Variants in DCC observed in about 807,000 individuals in gnomAD.
The protein encoded by DCC is netrin receptor DCC.
Under a neutral mutation model 172.5 loss-of-function variants are expected in DCC, and 58 were observed. The ratio of observed to expected loss-of-function variants is 0.34; its 90% CI spans 0.27 to 0.42. DCC has a LOEUF of 0.42. Ranked by LOEUF, DCC falls within the 10% of genes least tolerant of loss-of-function variation. DCC has a pLI of 1.00. For synonymous variants in DCC, 709 were observed against 644.5 expected (o/e 1.10, Z -1.52); for missense variants, 1,740 against 1,791.0 (o/e 0.97, Z 0.51).
chr18:53,232,551 T>A (rs1195338208), intron 12 of DCC, among the ~76,000 whole-genome samples: 2 of 152,180 alleles, frequency 1.3e-5, no homozygotes, highest in Admixed American at 1.3e-4. Context: ...TCTTCATGTA[T>A]CTTTGTTACA....
intron 1 of DCC, among the ~76,000 whole-genome samples, chr18:52,377,218 A>C (rs1297739502): frequency 6.6e-6 from 1 of 152,154 alleles, no homozygotes; most frequent in Non-Finnish European, 1.5e-5. Flanking sequence ...TATGCTGTTA[A>C]GATTATGATT....
At chr18:53,245,735 C>G (rs780984537) in intron 12 of DCC, among the ~76,000 whole-genome samples, 5 of 152,042 alleles carry the variant, frequency 3.3e-5, no homozygotes, top group Non-Finnish European at 7.4e-5. Context: ...CCTTGTGTAT[C>G]AGTTAGAATA....
chr18:52,998,442 C>T (rs544608676), intron 5 of DCC, among the ~76,000 whole-genome samples: 1 of 152,004 alleles, frequency 6.6e-6, no homozygotes, highest in Non-Finnish European at 1.5e-5. Flanking sequence ...TTCTGATTCA[C>T]GAAGGTAGAT....
intron 15 of DCC, among the ~76,000 whole-genome samples, chr18:53,350,728 A>G (rs2057781866): frequency 6.6e-6 from 1 of 152,104 alleles, no homozygotes; most frequent in Non-Finnish European, 1.5e-5. Context: ...GAAAGTTGGT[A>G]ATTCAAGAGC....
At chr18:52,822,793 AGTT>A (rs2038430413) in intron 2 of DCC, among the ~76,000 whole-genome samples, 1 of 152,144 alleles carries the variant, frequency 6.6e-6, no homozygotes, top group Non-Finnish European at 1.5e-5. Context: ...TTTTTCCTTA[AGTT>A]GTTTTCTTCA....
At chr18:52,465,308 G>T (rs931981743) in intron 1 of DCC, among the ~76,000 whole-genome samples, 3 of 152,140 alleles carry the variant, frequency 2.0e-5, no homozygotes, top group African/African-American at 4.8e-5. Context: ...CCAAAGATTG[G>T]GGAACTGGTA....
intron 7 of DCC, among the ~76,000 whole-genome samples, chr18:53,129,463 T>G (rs1308427489): frequency 6.6e-6 from 1 of 152,114 alleles, no homozygotes; most frequent in Non-Finnish European, 1.5e-5. Flanking sequence ...TCTCCCATGG[T>G]CCTATACATA....
chr18:53,363,504 G>C (rs1296920664), intron 15 of DCC, among the ~76,000 whole-genome samples: 1 of 152,188 alleles, frequency 6.6e-6, no homozygotes. Flanking sequence ...AGAGTGGTCA[G>C]TGAATGTGCT....
rs1456409120 is a variant in DCC, at chr18:52,990,538, CCCAAAAAAAAAAAA to C, written c.985+65169_985+65182del. Among the ~76,000 whole-genome samples, 18 of 76,264 alleles carry C rather than the reference CCCAAAAAAAAAAAA, an allele frequency of 2.4e-4. 1 individual carries two copies. The highest frequency in any genetic ancestry group is 8.0e-4 in the East Asian group (2 of 2,510). 50.0% of individuals were successfully genotyped at this position (76,264 alleles called of 152,430 possible). A position where few individuals can be genotyped will look rare whatever the true frequency, so the allele number is the denominator to read the frequency against. On this transcript the variant is annotated intron_variant, in intron 5 of 28. Coordinates refer to ENST00000442544, the MANE Select transcript of DCC (RefSeq NM_005215.4). ...CTGGGCAACAAGAGCAAAACTCCATCCCAAAAAAAAAAAAAAAAAAAAAAAAAAGCAAAGCTCCT... is the reference window on the plus strand; with the variant it reads ...CTGGGCAACAAGAGCAAAACTCCATCAAAAAAAAAAAAAAGCAAAGCTCCT...
At chr18:53,416,284 G>A (rs774278481) in intron 21 of DCC, 128 bp downstream of exon 21, 6 of 740,178 alleles carry the variant, frequency 8.1e-6, no homozygotes, top group East Asian at 2.6e-5. Flanking sequence ...CTGGCGTGAC[G>A]ATTAATCTTG....
chr18:52,912,616 A>G (rs557349359), intron 3 of DCC, among the ~76,000 whole-genome samples: 14 of 152,162 alleles, frequency 9.2e-5, no homozygotes, highest in Admixed American at 2.6e-4. Flanking sequence ...CCTTTGCTGT[A>G]TGATATGGTA....
intron 1 of DCC, among the ~76,000 whole-genome samples, chr18:52,384,462 G>A: frequency 6.6e-6 from 1 of 152,152 alleles, no homozygotes; most frequent in South Asian, 2.1e-4. Flanking sequence ...CCACATTCCT[G>A]TGGAGACCAT....
At chr18:52,674,591 G>A (rs2035616230) in intron 1 of DCC, among the ~76,000 whole-genome samples, 1 of 152,114 alleles carries the variant, frequency 6.6e-6, no homozygotes, top group South Asian at 2.1e-4. Flanking sequence ...CCCATCACAA[G>A]CACAACATAT....
chr18:53,304,934 GT>G (rs1477600680), intron 12 of DCC, among the ~76,000 whole-genome samples: 1 of 152,142 alleles, frequency 6.6e-6, no homozygotes, highest in African/African-American at 2.4e-5. Flanking sequence ...GGAGGGACCC[GT>G]TGGGAGGTAA....
At chr18:52,454,144 A>G (rs1988389035) in intron 1 of DCC, among the ~76,000 whole-genome samples, 1 of 151,984 alleles carries the variant, frequency 6.6e-6, no homozygotes, top group South Asian at 2.1e-4. Context: ...TAAAAAATAT[A>G]TATCTACACC....
At position 53,207,768 on chromosome 18, in the gene DCC, T is replaced by C. The variant is rs1568365890; in HGVS notation, c.1812T>C (p.Tyr604=). Residue 604 remains tyrosine (Y), a synonymous_variant, in exon 11 of 29, where the codon TAT becomes TAC. Transcript: ENST00000442544. The stretch of plus-strand genomic sequence containing the variant: ...TTCGATTCTTAGCTTATAATCGCTA[T>C]GGTCCGGGCGTCTCTACTGATGATA... The part of the protein sequence containing the change: ...YSLRFLAYNR[Y]GPGVSTDDIT... The C allele has an allele frequency of 1.2e-5, 19 of 1,613,458 alleles. No homozygotes were observed. Among genetic ancestry groups the C allele is most frequent in the Non-Finnish European group, 1.4e-5 (17 of 1,179,388 alleles).
rs541987903 is a variant in DCC at position 53,291,770 on chromosome 18, A to T, written c.1912-13808A>T. Among the ~76,000 whole-genome samples the T allele has an allele frequency of 2.6e-4, 40 of 152,306 alleles. No homozygotes were observed. The South Asian group carries it at 8.3e-3, about 32-fold the overall frequency. On this transcript the variant is annotated intron_variant, in intron 12 of 28. Transcript: ENST00000442544. ...AAAGAGTTAATAAGCCCTTCTAAAC[A>T]TCCAGCTTACTTCCAAGGAATGATT...
At chr18:52,660,391 A>G (rs1012306115) in intron 1 of DCC, among the ~76,000 whole-genome samples, 1 of 152,078 alleles carries the variant, frequency 6.6e-6, no homozygotes, top group African/African-American at 2.4e-5. Flanking sequence ...ATTTAAATCC[A>G]AACCACCACA....
chr18:53,035,157 T>C (rs1335202235), intron 5 of DCC, among the ~76,000 whole-genome samples: 1 of 107,686 alleles, frequency 9.3e-6, no homozygotes, highest in South Asian at 2.7e-4. Context: ...CTCAAACATT[T>C]ATCTGTGTGT....
Sources: allele counts gnomAD v4.1 joint callset (sites outside exome capture counted in the v4.1 genomes callset), GRCh38; gene constraint gnomAD v4.1.1; transcripts MANE v1.5; gene names NCBI Gene and HGNC (gene_info 2026-07-23, HGNC 2026-07-21).